GRB10: variants seen among roughly 807,000 people sequenced by gnomAD.
GRB10 encodes the protein growth factor receptor-bound protein 10.
In GRB10, 20 loss-of-function variants were observed where a neutral mutation model predicts 80.9. The observed-to-expected ratio is 0.25, with a 90% CI of 0.17 to 0.36. GRB10 has a LOEUF of 0.36. Ranked by LOEUF, GRB10 falls within the 10% of genes least tolerant of loss-of-function variation. GRB10 has a pLI of 1.00. For synonymous variants in GRB10, 291 were observed against 291.5 expected (o/e 1.00, Z 0.02); for missense variants, 548 against 747.7 (o/e 0.73, Z 3.12).
chr7:50,636,286 C>T (rs1475476984), intron 7 of GRB10, among the ~76,000 whole-genome samples: 2 of 152,012 alleles, frequency 1.3e-5, no homozygotes, highest in African/African-American at 4.8e-5. Flanking sequence ...GCCCTACAGC[C>T]AAATTTTAAC....
chr7:50,591,591 G>A lies in GRB10; in HGVS notation c.*1361C>T, dbSNP rs1007667369. ...CACTAAGCTAAGGGGACGTGGCAAA[G>A]GGGGCCACCCGAGGGGCGGAGGGGA... On this transcript the variant is annotated 3_prime_UTR_variant, in exon 19 of 19. Transcript: ENST00000401949. 1 of 152,300 alleles carries A rather than the reference G, an allele frequency of 6.6e-6. No individual in the cohort carries two copies. 9.4% of individuals were successfully genotyped at this position (152,300 alleles called of 1,614,324 possible).
At chr7:50,703,670 A>G in intron 5 of GRB10, 151 bp downstream of exon 5, 1 of 635,214 alleles carries the variant, frequency 1.6e-6, no homozygotes, top group Non-Finnish European at 2.9e-6. Flanking sequence ...ATCTTTCTCT[A>G]TTTGGGAATT....
At chr7:50,625,494 T>TAAAAAAGTGGTGCGTATATGCCA in intron 8 of GRB10, among the ~76,000 whole-genome samples, 1 of 152,194 alleles carries the variant, frequency 6.6e-6, no homozygotes, top group Non-Finnish European at 1.5e-5. Flanking sequence ...ACAGGTGCTT[T>TAAAAAAGTGGTGCGTATATGCCA]TGACAGCCTT....
chr7:50,767,180 G>A (rs985693177), intron 2 of GRB10, among the ~76,000 whole-genome samples: 1 of 152,112 alleles, frequency 6.6e-6, no homozygotes, highest in Non-Finnish European at 1.5e-5. Context: ...CATCCTCCCA[G>A]GTACCCACTG....
At chr7:50,648,671 C>T (rs1186743047) in intron 7 of GRB10, among the ~76,000 whole-genome samples, 1 of 152,170 alleles carries the variant, frequency 6.6e-6, no homozygotes, top group Non-Finnish European at 1.5e-5. Context: ...TACAGCTACT[C>T]CCTCTGGGCT....
chr7:50,732,681 T>TTC (rs34476779), intron 3 of GRB10, among the ~76,000 whole-genome samples: 14,028 of 152,182 alleles, frequency 0.092, 687 homozygotes, highest in East Asian at 0.17. Flanking sequence ...TGCCTCACCC[T>TTC]TCTTCCCTAT....
At chr7:50,711,354 A>G (rs2065869617) in intron 4 of GRB10, among the ~76,000 whole-genome samples, 1 of 151,814 alleles carries the variant, frequency 6.6e-6, no homozygotes, top group Non-Finnish European at 1.5e-5. Context: ...CGGGTCCCAG[A>G]GCTCCCTGGG....
chr7:50,628,026 C>G (rs1585935294), intron 7 of GRB10, among the ~76,000 whole-genome samples: 2 of 152,210 alleles, frequency 1.3e-5, no homozygotes, highest in African/African-American at 4.8e-5. Context: ...TGCTCTCCCA[C>G]TCCCATACGA....
intron 7 of GRB10, among the ~76,000 whole-genome samples, chr7:50,665,074 G>A (rs1218032421): frequency 2.0e-5 from 3 of 152,194 alleles, no homozygotes; most frequent in African/African-American, 7.2e-5. Flanking sequence ...CTCCACAGAA[G>A]CTATACCTTC....
At chr7:50,708,841 A>T (rs2065434221) in intron 4 of GRB10, among the ~76,000 whole-genome samples, 1 of 151,948 alleles carries the variant, frequency 6.6e-6, no homozygotes, top group East Asian at 1.9e-4. Flanking sequence ...ACACCTGGCT[A>T]ATTTTTTGTA....
intron 2 of GRB10, among the ~76,000 whole-genome samples, chr7:50,774,254 C>A (rs2077347452): frequency 6.6e-6 from 1 of 152,128 alleles, no homozygotes; most frequent in Non-Finnish European, 1.5e-5. Context: ...TGCAGGGTCT[C>A]TTTTTGTTCT....
At chr7:50,648,978 G>C (rs897195552) in intron 7 of GRB10, among the ~76,000 whole-genome samples, 1 of 152,146 alleles carries the variant, frequency 6.6e-6, no homozygotes, top group African/African-American at 2.4e-5. Flanking sequence ...AGTGGCCACG[G>C]GACTTGGGGG....
At chr7:50,606,282 T>C (rs1218758398) in intron 14 of GRB10, 55 bp downstream of exon 14, 1 of 1,348,220 alleles carries the variant, frequency 7.4e-7, no homozygotes, top group Non-Finnish European at 1.1e-6. Flanking sequence ...CCTTAACACA[T>C]GTGATGCAGA....
intron 7 of GRB10, among the ~76,000 whole-genome samples, chr7:50,650,262 G>A (rs933521925): frequency 9.9e-5 from 15 of 152,212 alleles, no homozygotes; most frequent in African/African-American, 3.4e-4. Flanking sequence ...CTAGAGGCAG[G>A]CCACAAGGCC....
At chr7:50,638,645 G>C (rs551854777) in intron 7 of GRB10, among the ~76,000 whole-genome samples, 5 of 152,150 alleles carry the variant, frequency 3.3e-5, no homozygotes, top group Non-Finnish European at 4.4e-5. Flanking sequence ...CTGTTGGTGG[G>C]AATGTAAATT....
At chr7:50,612,905 C>G (rs1585673650) in intron 12 of GRB10, 66 bp from the exon 13 acceptor site, 2 of 1,072,818 alleles carry the variant, frequency 1.9e-6, no homozygotes, top group Admixed American at 1.9e-5. Context: ...TCTGTCAAGG[C>G]AGGGCTGCAT....
intron 8 of GRB10, among the ~76,000 whole-genome samples, chr7:50,621,498 C>T (rs931776081): frequency 2.0e-5 from 3 of 152,218 alleles, no homozygotes; most frequent in African/African-American, 7.2e-5. Context: ...CAGGTGACCC[C>T]TTTCTCAGAG....
At chr7:50,660,542 C>A (rs1447761988) in intron 7 of GRB10, among the ~76,000 whole-genome samples, 1 of 152,030 alleles carries the variant, frequency 6.6e-6, no homozygotes, top group East Asian at 1.9e-4. Flanking sequence ...CACACATCAG[C>A]GCTGGAGCTG....
intron 2 of GRB10, among the ~76,000 whole-genome samples, chr7:50,758,480 T>G (rs146125589): frequency 6.6e-6 from 1 of 152,372 alleles, no homozygotes; most frequent in African/African-American, 2.4e-5. Context: ...CTGTTTAGTA[T>G]CTTTGGTATC....
Sources: gnomAD v4.1 joint callset for allele counts (sites outside exome capture counted in the v4.1 genomes callset) on GRCh38, gnomAD v4.1.1 for gene constraint, MANE v1.5 for transcripts, NCBI Gene and HGNC (gene_info 2026-07-23, HGNC 2026-07-21) for gene names.